Variants in EYA2 observed in about 807,000 individuals in gnomAD.
The protein encoded by EYA2 is EYA transcriptional coactivator and phosphatase 2.
Under a neutral mutation model 69.2 loss-of-function variants are expected in EYA2, and 31 were observed. The ratio of observed to expected loss-of-function variants is 0.45; its 90% CI spans 0.34 to 0.60. The LOEUF (loss-of-function observed/expected upper bound fraction) is 0.60, where lower values mean the gene tolerates loss of function less well. EYA2 is among the 20% of genes least tolerant of loss of function. The pLI is 0.02. For missense variants in EYA2, 622 were observed against 701.2 expected, an observed-to-expected ratio of 0.89 and a Z score of 1.28; for synonymous variants, 257 against 279.4, an observed-to-expected ratio of 0.92 and a Z score of 0.80.
intron 1 of EYA2, among the ~76,000 whole-genome samples, chr20:46,987,338 C>G (rs1568706375): frequency 6.6e-6 from 1 of 152,144 alleles, no homozygotes; most frequent in Non-Finnish European, 1.5e-5. Context: ...TATTTTGCAA[C>G]CATTTAAAAA....
At chr20:47,178,775 A>AGGTGGATG (rs973872292) in intron 12 of EYA2, among the ~76,000 whole-genome samples, 1 of 47,666 alleles carries the variant, frequency 2.1e-5, no homozygotes, top group Non-Finnish European at 3.6e-5. Context: ...GGGGGTAGAT[A>AGGTGGATG]GGTGGATGGG....
chr20:46,951,985 A>G (rs1978831779), intron 1 of EYA2, among the ~76,000 whole-genome samples: 1 of 152,190 alleles, frequency 6.6e-6, no homozygotes, highest in South Asian at 2.1e-4. Flanking sequence ...TACTTATACC[A>G]GGCATGACTA....
At chr20:47,065,974 C>T (rs749140756) in intron 5 of EYA2, among the ~76,000 whole-genome samples, 5 of 152,170 alleles carry the variant, frequency 3.3e-5, no homozygotes, top group Non-Finnish European at 5.9e-5. Context: ...TGGTACATCA[C>T]TAGGAAATGA....
In EYA2 at chr20:47,074,340, G is replaced by A. The variant is rs1420608516; in HGVS notation, c.661+5G>A. On this transcript the variant is annotated splice_donor_5th_base_variant and intron_variant, in intron 7 of 15. Transcript: ENST00000327619. ...AGAGTTCCGAGTCACTTGCTGGTAGGTGCAGTCACTGGTGGGGCCATTCAT... is the reference window on the plus strand; with the variant it reads ...AGAGTTCCGAGTCACTTGCTGGTAGATGCAGTCACTGGTGGGGCCATTCAT... 2 of 1,613,450 alleles carry A rather than the reference G, an allele frequency of 1.2e-6. No individual in the cohort carries two copies. The highest frequency in any genetic ancestry group is 1.7e-6 in the Non-Finnish European group (2 of 1,179,600).
At chr20:47,140,744 G>T (rs1375691839) in intron 9 of EYA2, among the ~76,000 whole-genome samples, 1 of 152,138 alleles carries the variant, frequency 6.6e-6, no homozygotes, top group African/African-American at 2.4e-5. Flanking sequence ...ATTTAGTGTT[G>T]CTATAATAGA....
intron 2 of EYA2, among the ~76,000 whole-genome samples, chr20:47,000,601 C>A (rs1197679946): frequency 6.6e-6 from 1 of 152,178 alleles, no homozygotes; most frequent in Non-Finnish European, 1.5e-5. Context: ...TGACGGAGCA[C>A]AAAAGTACTT....
At chr20:47,167,171 C>T (rs1051419100) in intron 10 of EYA2, 12 of 154,436 alleles carry the variant, frequency 7.8e-5, no homozygotes, top group African/African-American at 2.9e-4. Flanking sequence ...TGTATTTGTT[C>T]GCCAGGGCTG....
chr20:47,099,729 T>C (rs2032369923), intron 9 of EYA2, among the ~76,000 whole-genome samples: 1 of 152,230 alleles, frequency 6.6e-6, no homozygotes, highest in South Asian at 2.1e-4. Flanking sequence ...ATTTAAAACG[T>C]AGCTTCCTCC....
At chr20:46,916,372 C>A (rs1289100102) in intron 1 of EYA2, among the ~76,000 whole-genome samples, 1 of 151,906 alleles carries the variant, frequency 6.6e-6, no homozygotes, top group East Asian at 1.9e-4. Context: ...TGTGCATGGA[C>A]AAGTATGCTG....
chr20:47,119,131 A>G (rs532627293), intron 9 of EYA2, among the ~76,000 whole-genome samples: 1 of 152,282 alleles, frequency 6.6e-6, no homozygotes, highest in Admixed American at 6.5e-5. Flanking sequence ...CTCCCCTCCA[A>G]CTACTCACCT....
chr20:47,123,314 T>G (rs1402788427), intron 9 of EYA2, among the ~76,000 whole-genome samples: 1 of 152,202 alleles, frequency 6.6e-6, no homozygotes, highest in Non-Finnish European at 1.5e-5. Context: ...ATGTTTAATA[T>G]CCTCCTTCTA....
chr20:47,175,931 A>C (rs539511280), intron 12 of EYA2, among the ~76,000 whole-genome samples: 1 of 152,204 alleles, frequency 6.6e-6, no homozygotes, highest in Admixed American at 6.5e-5. Flanking sequence ...TCATTCATTC[A>C]TTCATTCTTC....
At chr20:47,080,931 G>C (rs557188202) in intron 7 of EYA2, among the ~76,000 whole-genome samples, 32 of 152,294 alleles carry the variant, frequency 2.1e-4, no homozygotes, top group African/African-American at 7.2e-4. Flanking sequence ...GCAGTGGTAC[G>C]ATCATAGTTC....
chr20:47,036,425 C>T lies in EYA2; in HGVS notation c.415+20128C>T, dbSNP rs192579557. On this transcript the variant is annotated intron_variant, in intron 5 of 15. Coordinates refer to ENST00000327619, the MANE Select transcript of EYA2 (RefSeq NM_005244.5). ...AGCAATATTGTGGAACAGGAATGGT[C>T]GTTTCCAATCAGCCCAGGGTTCTGG... 1.2e-3 allele frequency among the ~76,000 whole-genome samples: 180 copies of T among 152,290 alleles called. 2 individuals carry two copies. The highest frequency in any genetic ancestry group is 2.4e-4 in the Non-Finnish European group (16 of 68,020).
At chr20:47,150,160 G>T (rs551608727) in intron 10 of EYA2, among the ~76,000 whole-genome samples, 2 of 152,292 alleles carry the variant, frequency 1.3e-5, no homozygotes, top group East Asian at 3.9e-4. Flanking sequence ...GAGGTTGGAG[G>T]CACCTGGCGT....
At chr20:46,969,416 G>A (rs538519687) in intron 1 of EYA2, among the ~76,000 whole-genome samples, 106 of 152,300 alleles carry the variant, frequency 7.0e-4, no homozygotes, top group African/African-American at 2.5e-3. Flanking sequence ...CTGGCACATA[G>A]TAGGTTCTCT....
In EYA2 at chr20:47,023,276, G is replaced by A. The variant is rs184486841; in HGVS notation, c.415+6979G>A. Among the ~76,000 whole-genome samples, 245 of 152,248 alleles carry A rather than the reference G, an allele frequency of 1.6e-3. 1 individual carries two copies. Among genetic ancestry groups the A allele is most frequent in the African/African-American group, 5.6e-3 (232 of 41,550 alleles). Reference sequence around the variant, plus strand: ...TACTATTACAAGAATTAGTTCAGACGTGATTCATAAATAAGAAAACTATGT... The same window carrying A: ...TACTATTACAAGAATTAGTTCAGACATGATTCATAAATAAGAAAACTATGT... On this transcript the variant is annotated intron_variant, in intron 5 of 15. Transcript: ENST00000327619.
intron 9 of EYA2, among the ~76,000 whole-genome samples, chr20:47,117,195 T>G (rs1275548786): frequency 1.3e-5 from 2 of 152,088 alleles, no homozygotes; most frequent in African/African-American, 2.4e-5. Flanking sequence ...GTATTTTTAG[T>G]AAAGACGGGG....
chr20:46,908,386 G>A (rs993258533), intron 1 of EYA2, among the ~76,000 whole-genome samples: 1 of 152,230 alleles, frequency 6.6e-6, no homozygotes, highest in Non-Finnish European at 1.5e-5. Flanking sequence ...CTAGAAAGAA[G>A]CGGTAGCAAG....
Sources: allele counts gnomAD v4.1 joint callset (sites outside exome capture counted in the v4.1 genomes callset), GRCh38; gene constraint gnomAD v4.1.1; transcripts MANE v1.5; gene names NCBI Gene and HGNC (gene_info 2026-07-23, HGNC 2026-07-21).